The following CDK14 variants were observed in gnomAD, a reference collection of about 807,000 sequenced individuals.
The protein encoded by CDK14 is cyclin dependent kinase 14.
A neutral mutation model predicts 60.7 loss-of-function variants in CDK14; 34 were observed. That is an observed-to-expected ratio of 0.56 (90% CI 0.43 to 0.75). The LOEUF is 0.75. Ranked by LOEUF, CDK14 falls within the 30% of genes least tolerant of loss-of-function variation. The pLI is 0.00. For synonymous variants in CDK14, 197 were observed against 203.7 expected (o/e 0.97, Z 0.28); for missense variants, 482 against 564.1 (o/e 0.85, Z 1.47).
chr7:91,027,047 C>T (rs1206793307), intron 10 of CDK14, among the ~76,000 whole-genome samples: 5 of 152,154 alleles, frequency 3.3e-5, no homozygotes, highest in African/African-American at 7.2e-5. Flanking sequence ...TGTTCAAAAA[C>T]CACTGATTAA....
At chr7:90,969,363 A>G (rs1464576685) in intron 9 of CDK14, among the ~76,000 whole-genome samples, 1 of 152,194 alleles carries the variant, frequency 6.6e-6, no homozygotes, top group Non-Finnish European at 1.5e-5. Context: ...AATTCTCCTT[A>G]TAGTAGGATA....
At chr7:90,741,743 CT>C (rs1344028993) in intron 3 of CDK14, among the ~76,000 whole-genome samples, 1 of 152,028 alleles carries the variant, frequency 6.6e-6, no homozygotes, top group Non-Finnish European at 1.5e-5. Context: ...GGTTTCCTGG[CT>C]TGTTCTTGCA....
intron 11 of CDK14, among the ~76,000 whole-genome samples, chr7:91,065,716 G>A (rs903860751): frequency 9.9e-5 from 15 of 152,166 alleles, no homozygotes; most frequent in Admixed American, 3.3e-4. Flanking sequence ...GTATTGGTTC[G>A]CATGATTTGT....
At chr7:91,050,020 A>G (rs1797346072) in intron 11 of CDK14, among the ~76,000 whole-genome samples, 1 of 152,156 alleles carries the variant, frequency 6.6e-6, no homozygotes, top group African/African-American at 2.4e-5. Context: ...AATATGAGAG[A>G]CAGAGCCAAG....
intron 11 of CDK14, among the ~76,000 whole-genome samples, chr7:91,061,479 A>G (rs771872546): frequency 1.6e-4 from 25 of 152,280 alleles, no homozygotes; most frequent in Middle Eastern, 6.8e-3. Context: ...AGGCACTCTG[A>G]TTTTTAAAAT....
chr7:91,022,250 ACT>A (rs1796451532), intron 10 of CDK14, among the ~76,000 whole-genome samples: 1 of 152,066 alleles, frequency 6.6e-6, no homozygotes, highest in Non-Finnish European at 1.5e-5. Context: ...TATAATTCAT[ACT>A]CTGTGTCTTT....
intron 9 of CDK14, among the ~76,000 whole-genome samples, chr7:90,957,638 C>T (rs1794470452): frequency 6.6e-6 from 1 of 152,110 alleles, no homozygotes; most frequent in African/African-American, 2.4e-5. Context: ...AGGAATCCAA[C>T]TTACAAGGGA....
chr7:90,834,180 A>G (rs182340720), intron 5 of CDK14, among the ~76,000 whole-genome samples: 8 of 152,322 alleles, frequency 5.3e-5, no homozygotes, highest in African/African-American at 1.9e-4. Flanking sequence ...AAGCAATTCG[A>G]GGAAATTATG....
At chr7:91,055,332 C>G (rs1797517004) in intron 11 of CDK14, among the ~76,000 whole-genome samples, 1 of 152,144 alleles carries the variant, frequency 6.6e-6, no homozygotes, top group Admixed American at 6.5e-5. Flanking sequence ...AGGGAAATCC[C>G]TGTAGGAATG....
intron 9 of CDK14, among the ~76,000 whole-genome samples, chr7:90,971,197 T>TG (rs1209724971): frequency 3.3e-5 from 5 of 150,294 alleles, no homozygotes; most frequent in African/African-American, 1.2e-4. Context: ...ATTGAACACC[T>TG]ATTTTGTACA....
chr7:90,904,853 G>A (rs1198287436), intron 7 of CDK14, among the ~76,000 whole-genome samples: 1 of 152,142 alleles, frequency 6.6e-6, no homozygotes, highest in Non-Finnish European at 1.5e-5. Context: ...GAATTACAAT[G>A]GCGTCAGATT....
chr7:90,687,621 G>GATAT (rs1276076232), intron 2 of CDK14, among the ~76,000 whole-genome samples: 3 of 151,980 alleles, frequency 2.0e-5, no homozygotes, highest in Admixed American at 6.6e-5. Flanking sequence ...ATGGGGAAGT[G>GATAT]ATATGCTAGG....
chr7:90,776,643 C>T (rs1213313729), intron 4 of CDK14, among the ~76,000 whole-genome samples: 2 of 152,148 alleles, frequency 1.3e-5, no homozygotes, highest in Admixed American at 6.6e-5. Flanking sequence ...TAGTTTCAGG[C>T]ATGAAAGTGC....
intron 2 of CDK14, among the ~76,000 whole-genome samples, chr7:90,638,392 G>T (rs1466196098): frequency 6.6e-6 from 1 of 152,062 alleles, no homozygotes; most frequent in Non-Finnish European, 1.5e-5. Flanking sequence ...ACTTATGAAG[G>T]TTAGTTTGGC....
rs557238984 is a variant in CDK14 at position 91,162,937 on chromosome 7, G to A, written c.*29-44228G>A. 3.0e-3 allele frequency among the ~76,000 whole-genome samples: 457 copies of A among 152,244 alleles called. 5 individuals are homozygous for A. The highest frequency in any genetic ancestry group is 0.01 in the Middle Eastern group (3 of 294). ...GTGCCATCCCAACTCCTTTCTCTGG[G>A]AAATGTTGGGGCCCCTAAGTGCACA... On this transcript the variant is annotated intron_variant, in intron 14 of 14. Transcript: ENST00000380050.
At chr7:91,053,574 A>G (rs1797453742) in intron 11 of CDK14, among the ~76,000 whole-genome samples, 1 of 152,200 alleles carries the variant, frequency 6.6e-6, no homozygotes, top group Non-Finnish European at 1.5e-5. Flanking sequence ...CTATGCCTCC[A>G]ATAAATCATC....
At chr7:90,658,601 C>G (rs1800800195) in intron 2 of CDK14, among the ~76,000 whole-genome samples, 2 of 152,150 alleles carry the variant, frequency 1.3e-5, no homozygotes, top group Non-Finnish European at 2.9e-5. Flanking sequence ...AACATGTTTT[C>G]AAGGTACATC....
At chr7:90,988,182 G>C (rs1207289276) in intron 10 of CDK14, among the ~76,000 whole-genome samples, 1 of 151,964 alleles carries the variant, frequency 6.6e-6, no homozygotes, top group African/African-American at 2.4e-5. Flanking sequence ...TGGTTGAAGG[G>C]AGCAGTTCAC....
chr7:90,955,313 C>G (rs1239164176), intron 8 of CDK14, among the ~76,000 whole-genome samples: 3 of 152,120 alleles, frequency 2.0e-5, no homozygotes, highest in African/African-American at 7.2e-5. Context: ...TTTAAGGATT[C>G]TTTAAGTTTC....
Sources: gnomAD v4.1 joint callset for allele counts (sites outside exome capture counted in the v4.1 genomes callset) on GRCh38, gnomAD v4.1.1 for gene constraint, MANE v1.5 for transcripts, NCBI Gene and HGNC (gene_info 2026-07-23, HGNC 2026-07-21) for gene names.